BACH2: variants seen among roughly 807,000 people sequenced by gnomAD.
BACH2 encodes the protein transcription regulator protein BACH2.
Under a neutral mutation model 61.8 loss-of-function variants are expected in BACH2, and 5 were observed. That is an observed-to-expected ratio of 0.08 (90% confidence interval 0.04 to 0.17). BACH2 has a LOEUF of 0.17. BACH2 is among the 10% of genes least tolerant of loss of function. The pLI is 1.00. For synonymous variants in BACH2, 446 were observed against 440.1 expected (o/e 1.01, Z -0.17); for missense variants, 824 against 1,091.1 (o/e 0.76, Z 3.45).
intron 3 of BACH2, among the ~76,000 whole-genome samples, chr6:90,237,549 A>C (rs143511414): frequency 4.7e-4 from 72 of 152,314 alleles, no homozygotes; most frequent in African/African-American, 1.7e-3. Context: ...TATCACTAGA[A>C]TATCTGACCA....
intron 5 of BACH2, among the ~76,000 whole-genome samples, chr6:90,057,496 A>G (rs527557258): frequency 1.2e-3 from 188 of 152,322 alleles, no homozygotes; most frequent in African/African-American, 4.0e-3. Context: ...TTACGAACCA[A>G]AAAAAGTCCA....
chr6:90,218,879 T>C lies in BACH2; in HGVS notation c.-274-12198A>G, dbSNP rs1262273528. On this transcript the variant is annotated intron_variant, in intron 3 of 8. Transcript: ENST00000257749. ...ACGAGGCCTGTCAAATCCACTGGAG[T>C]TGGGGGACATGGCCTGGGCTGTGAA... Among the ~76,000 whole-genome samples the C allele has an allele frequency of 2.0e-5, 3 of 150,936 alleles. No individual in the cohort carries two copies. The East Asian group carries it at 5.9e-4, about 29-fold the overall frequency.
intron 4 of BACH2, among the ~76,000 whole-genome samples, chr6:90,103,838 C>T (rs1033035818): frequency 6.6e-6 from 1 of 152,144 alleles, no homozygotes; most frequent in African/African-American, 2.4e-5. Context: ...TGAAGTTCTA[C>T]TGGAAAAAGG....
At chr6:90,139,225 C>A (rs924310739) in intron 4 of BACH2, among the ~76,000 whole-genome samples, 2 of 152,148 alleles carry the variant, frequency 1.3e-5, no homozygotes, top group Admixed American at 1.3e-4. Flanking sequence ...CTTTCTCCAC[C>A]CTTTTCTTCT....
intron 4 of BACH2, among the ~76,000 whole-genome samples, chr6:90,127,311 G>A (rs556017297): frequency 1.2e-3 from 185 of 152,314 alleles, no homozygotes; most frequent in Non-Finnish European, 1.8e-3. Flanking sequence ...ATGAGAAGAC[G>A]TGGACCCCCT....
At chr6:90,028,719 A>G (rs1199974160) in intron 5 of BACH2, among the ~76,000 whole-genome samples, 1 of 152,238 alleles carries the variant, frequency 6.6e-6, no homozygotes, top group East Asian at 1.9e-4. Context: ...GATACTGCAT[A>G]CAAAGATGGT....
chr6:90,010,462 T>C (rs1370310670), intron 5 of BACH2, among the ~76,000 whole-genome samples: 3 of 152,262 alleles, frequency 2.0e-5, no homozygotes, highest in Non-Finnish European at 2.9e-5. Context: ...CATCCTATTG[T>C]ATAAATATAG....
In BACH2 at chr6:89,951,642, T is replaced by G; in HGVS notation, c.464A>C (p.Asp155Ala). 1.9e-6 allele frequency: 3 copies of G among 1,614,180 alleles called. No individual in the cohort carries two copies. Among genetic ancestry groups the G allele is most frequent in the Non-Finnish European group, 2.5e-6 (3 of 1,180,032 alleles). Residue 155 changes from aspartate (D) to alanine (A), a missense_variant, in exon 7 of 9, where the codon GAC becomes GCC. Physicochemically the swap from Asp to Ala is moderately radical, Grantham distance 126 (BLOSUM62 -2). This residue lies in a region of BACH2 where 107 missense variants were observed against 121.7 expected (regional missense o/e 0.88). Transcript: ENST00000257749. This position sits in a 1 kb window ranked among gnomAD's most constrained non-coding sequence, Gnocchi z 6.4. ...CTCCTCTCCTGCAGAGTTCTCGCAG[T>G]CCTCGTGTGGGCGCTGGCACGCAGC... ...KDAACQRPHE[D>A]CENSAGEEED...
At chr6:90,253,395 G>C (rs1048748099) in intron 2 of BACH2, among the ~76,000 whole-genome samples, 1 of 152,162 alleles carries the variant, frequency 6.6e-6, no homozygotes, top group Non-Finnish European at 1.5e-5. Flanking sequence ...AGATAACTTT[G>C]AAAAAGACTT....
chr6:90,270,703 T>G (rs967597682), intron 2 of BACH2, among the ~76,000 whole-genome samples: 6 of 152,158 alleles, frequency 3.9e-5, no homozygotes, highest in Non-Finnish European at 7.3e-5. Flanking sequence ...CTATCATCAT[T>G]CTTCATAGAA....
intron 5 of BACH2, among the ~76,000 whole-genome samples, chr6:90,041,715 T>A (rs534624555): frequency 3.3e-5 from 5 of 152,312 alleles, no homozygotes; most frequent in Admixed American, 6.5e-5. Flanking sequence ...GCTTTATGAT[T>A]CCTTTGTAAT....
chr6:90,237,169 C>G (rs1020723793), intron 3 of BACH2, among the ~76,000 whole-genome samples: 1 of 152,172 alleles, frequency 6.6e-6, no homozygotes, highest in African/African-American at 2.4e-5. Flanking sequence ...ACGATCCATC[C>G]ACCTCGGCCT....
intron 3 of BACH2, among the ~76,000 whole-genome samples, chr6:90,213,881 A>C (rs897051618): frequency 1.3e-5 from 2 of 152,158 alleles, no homozygotes; most frequent in African/African-American, 4.8e-5. Flanking sequence ...CTGATGCTTT[A>C]ATGTCAATAT....
intron 4 of BACH2, among the ~76,000 whole-genome samples, chr6:90,128,726 T>G (rs559756658): frequency 1.2e-4 from 19 of 152,324 alleles, no homozygotes; most frequent in Middle Eastern, 3.4e-3. Context: ...ATACCCAAAG[T>G]ATTATAAACC....
chr6:90,174,234 T>C (rs1247664843), intron 4 of BACH2, among the ~76,000 whole-genome samples: 1 of 152,016 alleles, frequency 6.6e-6, no homozygotes, highest in Admixed American at 6.5e-5. Context: ...TGTGTCTAAA[T>C]TTGGGTTATT....
intron 1 of BACH2, among the ~76,000 whole-genome samples, chr6:90,296,089 G>T (rs1385344640): frequency 6.6e-6 from 1 of 152,122 alleles, no homozygotes; most frequent in African/African-American, 2.4e-5. Context: ...TCTGACAGCT[G>T]CTGCGGCTCG....
At chr6:90,067,362 T>G (rs1258448479) in intron 5 of BACH2, among the ~76,000 whole-genome samples, 1 of 152,122 alleles carries the variant, frequency 6.6e-6, no homozygotes, top group Non-Finnish European at 1.5e-5. Flanking sequence ...GTGGCTTGAA[T>G]GCCAGGAAGG....
chr6:90,296,010 C>G (rs1251588736), intron 1 of BACH2, among the ~76,000 whole-genome samples: 1 of 152,076 alleles, frequency 6.6e-6, no homozygotes, highest in Non-Finnish European at 1.5e-5. Context: ...GCCGCCCGGC[C>G]TGGAGCTGGG....
chr6:90,209,482 T>G (rs531719513), intron 3 of BACH2, among the ~76,000 whole-genome samples: 66 of 152,270 alleles, frequency 4.3e-4, no homozygotes, highest in Non-Finnish European at 6.9e-4. Flanking sequence ...ACTTTATACA[T>G]GCTGTTTCCT....
Sources: allele counts gnomAD v4.1 joint callset (sites outside exome capture counted in the v4.1 genomes callset), GRCh38; gene constraint gnomAD v4.1.1; regional missense constraint gnomAD v4.1.1; non-coding constraint Gnocchi (gnomAD v3.1); transcripts MANE v1.5; gene names NCBI Gene and HGNC (gene_info 2026-07-23, HGNC 2026-07-21).